FCHO2: variants seen among roughly 807,000 people sequenced by gnomAD.
FCHO2 encodes F-BAR domain only protein 2.
Under a neutral mutation model 114.1 loss-of-function variants are expected in FCHO2, and 43 were observed. The observed-to-expected ratio is 0.38, with a 90% confidence interval of 0.30 to 0.49. The LOEUF (loss-of-function observed/expected upper bound fraction) is 0.49, where lower values mean the gene tolerates loss of function less well. Among genes scored for constraint, FCHO2 ranks in the 20% least tolerant of loss-of-function variants. FCHO2 has a pLI of 0.97. For missense variants in FCHO2, 807 were observed against 950.4 expected (o/e 0.85, Z 1.98); for synonymous variants, 293 against 315.2 (o/e 0.93, Z 0.75).
chr5:73,065,644 G>T (rs1454233123), intron 18 of FCHO2, among the ~76,000 whole-genome samples: 1 of 151,858 alleles, frequency 6.6e-6, no homozygotes, highest in Non-Finnish European at 1.5e-5. Context: ...ATTATTAATT[G>T]TATAGGCATA....
At chr5:72,978,033 A>C (rs1406988279) in intron 2 of FCHO2, among the ~76,000 whole-genome samples, 1 of 151,910 alleles carries the variant, frequency 6.6e-6, no homozygotes, top group African/African-American at 2.4e-5. Flanking sequence ...ATTGTAGTGT[A>C]GTTTGAAGTG....
intron 19 of FCHO2, among the ~76,000 whole-genome samples, chr5:73,074,183 T>G (rs1742804978): frequency 1.4e-5 from 2 of 144,860 alleles, no homozygotes; most frequent in African/African-American, 2.5e-5. Context: ...TTGGCCAGGG[T>G]TTTTTTTTTT....
chr5:72,969,743 C>T (rs1330524327), intron 2 of FCHO2, among the ~76,000 whole-genome samples: 2 of 152,190 alleles, frequency 1.3e-5, no homozygotes, highest in Non-Finnish European at 2.9e-5. Flanking sequence ...TGAGACAATC[C>T]GTCATACTTC....
At position 73,013,946 on chromosome 5, in the gene FCHO2, A is replaced by G. The variant is rs1431521183; in HGVS notation, c.601-1680A>G. Among the ~76,000 whole-genome samples, 8 of 152,086 alleles carry G rather than the reference A, an allele frequency of 5.3e-5. 1 individual carries two copies. The highest frequency in any genetic ancestry group is 5.2e-4 in the Admixed American group (8 of 15,272). ...TGATCAGCTGGCCTCGGCCTCCCAAAGTGCTGGAATTACAGGTGTGAGCCA... is the reference window on the plus strand; with the variant it reads ...TGATCAGCTGGCCTCGGCCTCCCAAGGTGCTGGAATTACAGGTGTGAGCCA... On this transcript the variant is annotated intron_variant, in intron 6 of 25. Coordinates refer to ENST00000430046, the MANE Select transcript of FCHO2 (RefSeq NM_138782.3).
At position 73,081,785 on chromosome 5, in the gene FCHO2, A is replaced by G. The variant is rs1743099438; in HGVS notation, c.1983A>G (p.Val661=). 6.6e-7 allele frequency: 1 copy of G among 1,508,502 alleles called. No individual in the cohort carries two copies. The highest frequency in any genetic ancestry group is 1.4e-5 in the African/African-American group (1 of 71,052). 93.4% of individuals were successfully genotyped at this position (1,508,502 alleles called of 1,614,324 possible). A position where few individuals can be genotyped will look rare whatever the true frequency, so the allele number is the denominator to read the frequency against. ...TGTTTGTTCTTTTCTCTTTAAAGGT[A>G]TCATCAAATGGTATTCAGTCCACTC... ...YYNVDVLKYQ[V]SSNGIQSTPL... is the part of the protein sequence containing the mutation. Residue 661 remains valine, a splice_region_variant and synonymous_variant, in exon 23 of 26, where the codon GTA becomes GTG. Transcript: ENST00000430046.
chr5:73,026,625 C>A (rs144348392), intron 8 of FCHO2, among the ~76,000 whole-genome samples: 2 of 152,156 alleles, frequency 1.3e-5, no homozygotes, highest in Admixed American at 1.3e-4. Flanking sequence ...AAATTTTTTT[C>A]TAACTCGTTA....
In FCHO2 at chr5:73,054,531, A is replaced by G. The variant is rs1382474894; in HGVS notation, c.1192A>G (p.Met398Val). The part of the protein sequence containing the change: ...PAISRHSPVQ[M>V]NRNLSNEELT... ...TTTTGCATCTCTGTTTTAGGTACAG[A>G]TGAATCGGAATTTGTCTAGTAAGTT... Residue 398 changes from methionine to valine, a missense_variant, in exon 15 of 26, where the codon ATG becomes GTG. Physicochemically the swap from Met to Val is conservative, Grantham distance 21. Coordinates refer to ENST00000430046, the MANE Select transcript of FCHO2 (RefSeq NM_138782.3). 3 of 1,541,234 alleles carry G rather than the reference A, an allele frequency of 1.9e-6. No homozygotes were observed. Among genetic ancestry groups the G allele is most frequent in the Admixed American group, 2.0e-5 (1 of 49,412 alleles).
intron 20 of FCHO2, among the ~76,000 whole-genome samples, chr5:73,075,913 G>C (rs1387172650): frequency 6.6e-6 from 1 of 152,056 alleles, no homozygotes. Flanking sequence ...GGTAAGTCTA[G>C]GCTAGAGATA....
At chr5:73,024,727 G>A (rs899254293) in intron 8 of FCHO2, among the ~76,000 whole-genome samples, 33 of 152,078 alleles carry the variant, frequency 2.2e-4, no homozygotes, top group African/African-American at 7.5e-4. Context: ...GTGAGCCACC[G>A]CCCGCGGCCT....
chr5:73,037,936 T>C, intron 10 of FCHO2: 1 of 294,352 alleles, frequency 3.4e-6, no homozygotes, highest in South Asian at 2.6e-5. Context: ...TTTTTTGTAT[T>C]TTTAGTAGAG....
At chr5:72,965,850 T>G (rs2112595151) in intron 1 of FCHO2, among the ~76,000 whole-genome samples, 1 of 152,264 alleles carries the variant, frequency 6.6e-6, no homozygotes, top group South Asian at 2.1e-4. Flanking sequence ...AAGGAAAATG[T>G]AGACAGGGTG....
At chr5:72,991,071 A>G (rs1210981962) in intron 5 of FCHO2, among the ~76,000 whole-genome samples, 1 of 152,112 alleles carries the variant, frequency 6.6e-6, no homozygotes, top group African/African-American at 2.4e-5. Context: ...CTAAAAAACA[A>G]TGATTGATTT....
At position 73,039,946 on chromosome 5, in the gene FCHO2, A is replaced by G. The variant is rs1409160826; in HGVS notation, c.915-1345A>G. On this transcript the variant is annotated intron_variant, in intron 10 of 25. Coordinates refer to ENST00000430046, the MANE Select transcript of FCHO2 (RefSeq NM_138782.3). The stretch of plus-strand genomic sequence containing the variant: ...GACTCTGTGTCAGAGAAAAAAAGAA[A>G]AAAAAAAAAAGAAGAAGAAAGAAAG... Among the ~76,000 whole-genome samples, 5 of 144,642 alleles carry G rather than the reference A, an allele frequency of 3.5e-5. No individual in the cohort carries two copies. In the East Asian group the frequency reaches 1.0e-3, roughly 30 times the overall value. 94.9% of individuals were successfully genotyped at this position (144,642 alleles called of 152,430 possible). A position where few individuals can be genotyped will look rare whatever the true frequency, so the allele number is the denominator to read the frequency against.
chr5:72,991,049 G>A (rs569183959), intron 5 of FCHO2, among the ~76,000 whole-genome samples, 185 bp downstream of exon 5: 9 of 152,264 alleles, frequency 5.9e-5, no homozygotes, highest in Non-Finnish European at 1.3e-4. Context: ...GTGGTAAATA[G>A]GTTAGCGAGC....
chr5:73,005,029 T>G (rs1754643552), intron 5 of FCHO2, among the ~76,000 whole-genome samples: 1 of 152,170 alleles, frequency 6.6e-6, no homozygotes, highest in South Asian at 2.1e-4. Flanking sequence ...AGCCAGAATT[T>G]CAGTTGAATT....
intron 3 of FCHO2, 49 bp downstream of exon 3, chr5:72,989,550 T>C (rs1320512250): frequency 1.4e-6 from 2 of 1,473,180 alleles, no homozygotes. Flanking sequence ...GCAAAGTTCT[T>C]AAGGATTCTA....
In FCHO2 at chr5:72,997,785, A is replaced by G. The variant is rs115708948; in HGVS notation, c.495+6921A>G. On this transcript the variant is annotated intron_variant, in intron 5 of 25. Transcript: ENST00000430046. ...AACCCCTCTCTGCCCTGGAAGCCCT[A>G]CACTCCACTTGGAGTCTGGATGGAC... 1,128 of 1,292,822 alleles carry G rather than the reference A, an allele frequency of 8.7e-4. 10 individuals are homozygous for G. The African/African-American group carries it at 0.016, about 18-fold the overall frequency. 80.1% of individuals were successfully genotyped at this position (1,292,822 alleles called of 1,614,324 possible).
At chr5:73,041,791 T>G (rs1232476154) in intron 11 of FCHO2, among the ~76,000 whole-genome samples, 2 of 152,114 alleles carry the variant, frequency 1.3e-5, no homozygotes, top group Non-Finnish European at 2.9e-5. Flanking sequence ...GTTGCTTATA[T>G]TTCTTGATTA....
chr5:72,959,219 A>G (rs1751719547), intron 1 of FCHO2, among the ~76,000 whole-genome samples: 1 of 152,200 alleles, frequency 6.6e-6, no homozygotes, highest in African/African-American at 2.4e-5. Flanking sequence ...TATAGTTGTC[A>G]TTTTAGGCTG....
Sources: gnomAD v4.1 joint callset for allele counts (sites outside exome capture counted in the v4.1 genomes callset) on GRCh38, gnomAD v4.1.1 for gene constraint, MANE v1.5 for transcripts, NCBI Gene and HGNC (gene_info 2026-07-23, HGNC 2026-07-21) for gene names.